NHSL2: variants seen among roughly 807,000 people sequenced by gnomAD.
NHSL2 encodes the protein NHS like 2.
In NHSL2, 27 loss-of-function variants were observed where a neutral mutation model predicts 53.4. The ratio of observed to expected loss-of-function variants is 0.51; its 90% confidence interval spans 0.37 to 0.70. The LOEUF (loss-of-function observed/expected upper bound fraction) is 0.70, where lower values mean the gene tolerates loss of function less well. Ranked by LOEUF, NHSL2 falls within the 30% of genes least tolerant of loss-of-function variation. NHSL2 has a pLI of 0.00. For synonymous variants in NHSL2, 408 were observed against 404.1 expected, an observed-to-expected ratio of 1.01 and a Z score of -0.12; for missense variants, 892 against 980.1, an observed-to-expected ratio of 0.91 and a Z score of 1.20.
intron 1 of NHSL2, among the ~76,000 whole-genome samples, chrX:72,046,707 A>G (rs948148527): frequency 9.2e-6 from 1 of 109,282 alleles, no homozygotes; most frequent in African/African-American, 3.4e-5. Flanking sequence ...CGGACACTGC[A>G]GAGAAAGGTT....
In NHSL2 at chrX:72,143,244, CT is replaced by C. The variant is rs2147532705; in HGVS notation, c.3357-7del. On this transcript the variant is annotated splice_region_variant and splice_polypyrimidine_tract_variant and intron_variant, in intron 7 of 7. Transcript: ENST00000633930. ...TTAACTCACTCAGACCAAACTTTCT[CT>C]TATCTAGGTCCAAAAGGAAGCTGCT... 8.8e-7 allele frequency: 1 copy of C among 1,138,097 alleles called. No individual in the cohort carries two copies. The highest frequency in any genetic ancestry group is 2.0e-5 in the South Asian group (1 of 49,069). The allele number at this position is 1,138,097 out of a possible 1,213,427, so 93.8% of individuals were successfully genotyped here.
intron 1 of NHSL2, among the ~76,000 whole-genome samples, chrX:71,933,253 T>G (rs762741437): frequency 1.5e-4 from 17 of 112,085 alleles, no homozygotes; most frequent in Middle Eastern, 4.6e-3. Context: ...AAGCCTTCCT[T>G]TTTCTCTACT....
Position 71,969,285 on chromosome X carries a change from G to A in NHSL2, c.280+57918G>A, listed in dbSNP as rs190252664. On this transcript the variant is annotated intron_variant, in intron 1 of 7. Coordinates refer to ENST00000633930, the MANE Select transcript of NHSL2 (RefSeq NM_001013627.3). The stretch of plus-strand genomic sequence containing the variant: ...CTCCTTTTTTTTTATGCTTTTGTAA[G>A]TTGAACGGTTTTCTTTTTTTCTTTT... 4.2e-3 allele frequency among the ~76,000 whole-genome samples: 418 copies of A among 99,329 alleles called. 1 individual carries two copies. The highest frequency in any genetic ancestry group is 0.021 in the Middle Eastern group (4 of 194). The allele number at this position is 99,329 out of a possible 115,157, so 86.3% of individuals were successfully genotyped here. A position where few individuals can be genotyped will look rare whatever the true frequency, so the allele number is the denominator to read the frequency against.
chrX:71,916,080 G>A (rs2041626804), intron 1 of NHSL2, among the ~76,000 whole-genome samples: 1 of 111,544 alleles, frequency 9.0e-6, no homozygotes, highest in Non-Finnish European at 1.9e-5. Context: ...GGTGGGAAGG[G>A]GTGGCTGGCC....
At chrX:71,956,380 T>C (rs899973326) in intron 1 of NHSL2, among the ~76,000 whole-genome samples, 7 of 111,514 alleles carry the variant, frequency 6.3e-5, no homozygotes, top group African/African-American at 2.3e-4. Flanking sequence ...GGGTTATTCT[T>C]ATGTTAGAAA....
At chrX:71,951,574 G>A (rs943321497) in intron 1 of NHSL2, among the ~76,000 whole-genome samples, 1 of 112,037 alleles carries the variant, frequency 8.9e-6, no homozygotes, top group Non-Finnish European at 1.9e-5. Context: ...GGTGCAAGGT[G>A]GTATCTTGTG....
intron 2 of NHSL2, among the ~76,000 whole-genome samples, chrX:72,132,877 A>G (rs1271869727): frequency 8.9e-6 from 1 of 112,092 alleles, no homozygotes; most frequent in African/African-American, 3.2e-5. Context: ...GAGCATGAAA[A>G]GAGGTCTTGT....
intron 1 of NHSL2, among the ~76,000 whole-genome samples, chrX:71,945,716 G>A (rs1283514950): frequency 8.9e-6 from 1 of 111,781 alleles, no homozygotes; most frequent in Non-Finnish European, 1.9e-5. Flanking sequence ...AGGGAAGCAG[G>A]ATGGGTGTGT....
chrX:71,963,603 A>T (rs2041878246), intron 1 of NHSL2, among the ~76,000 whole-genome samples: 1 of 110,221 alleles, frequency 9.1e-6, no homozygotes. Context: ...ATGGAAAAAG[A>T]TATGTCATGC....
chrX:72,093,712 AGCTT>A (rs747248899), intron 1 of NHSL2, among the ~76,000 whole-genome samples: 1,378 of 71,519 alleles, frequency 0.019, 24 homozygotes, highest in African/African-American at 0.052. Context: ...CCCCTAGTAT[AGCTT>A]GCTTGCTTTC....
intron 1 of NHSL2, among the ~76,000 whole-genome samples, chrX:71,929,646 T>A (rs5991854): frequency 1.8e-5 from 2 of 110,779 alleles, no homozygotes; most frequent in African/African-American, 3.3e-5. Context: ...TTGAAGGAGG[T>A]GCTTGAGTGC....
At chrX:72,085,611 A>T (rs941207418) in intron 1 of NHSL2, among the ~76,000 whole-genome samples, 1 of 111,915 alleles carries the variant, frequency 8.9e-6, no homozygotes, top group Non-Finnish European at 1.9e-5. Flanking sequence ...TATTCAAAAA[A>T]GCAAAACTTT....
chrX:71,974,600 C>T (rs1235017691), intron 1 of NHSL2, among the ~76,000 whole-genome samples: 1 of 112,008 alleles, frequency 8.9e-6, no homozygotes, highest in African/African-American at 3.2e-5. Flanking sequence ...TAGAGAAAAA[C>T]TATCATCAGT....
chrX:71,931,676 A>G (rs1423589627), intron 1 of NHSL2, among the ~76,000 whole-genome samples: 1 of 112,479 alleles, frequency 8.9e-6, no homozygotes, highest in African/African-American at 3.2e-5. Flanking sequence ...AATTGACTGT[A>G]GGTGAATGGG....
chrX:71,972,770 G>GA (rs2041930980), intron 1 of NHSL2, among the ~76,000 whole-genome samples: 2 of 111,184 alleles, frequency 1.8e-5, no homozygotes, highest in East Asian at 5.6e-4. Context: ...ATATGTTGGT[G>GA]CACTTAATGC....
chrX:71,927,603 C>T (rs1040867982), intron 1 of NHSL2, among the ~76,000 whole-genome samples: 1 of 109,788 alleles, frequency 9.1e-6, no homozygotes, highest in African/African-American at 3.3e-5. Flanking sequence ...GTGACCCAGA[C>T]AGGAGGGCAG....
intron 1 of NHSL2, among the ~76,000 whole-genome samples, chrX:72,026,153 C>T (rs982561164): frequency 8.9e-6 from 1 of 112,020 alleles, no homozygotes. Context: ...TGCCCGATTC[C>T]CTGATGTATA....
chrX:71,934,283 G>A (rs1445643537), intron 1 of NHSL2, among the ~76,000 whole-genome samples: 8 of 112,075 alleles, frequency 7.1e-5, no homozygotes, highest in African/African-American at 2.6e-4. Context: ...ACTTCACTCA[G>A]CCAGCTCCCT....
chrX:71,992,623 T>C lies in NHSL2; in HGVS notation c.280+81256T>C, dbSNP rs780062709. Among the ~76,000 whole-genome samples the C allele has an allele frequency of 2.7e-5, 3 of 112,706 alleles. No homozygotes were observed. In the South Asian group the frequency reaches 1.1e-3, roughly 41 times the overall value. Reference sequence around the variant, plus strand: ...CTTTATGGAACACATTTCAAAGCCCTGGAGAAGCAATTTTAGGGTTTTTTG... The same window carrying C: ...CTTTATGGAACACATTTCAAAGCCCCGGAGAAGCAATTTTAGGGTTTTTTG... On this transcript the variant is annotated intron_variant, in intron 1 of 7. Coordinates refer to ENST00000633930, the MANE Select transcript of NHSL2 (RefSeq NM_001013627.3).
Sources: allele counts gnomAD v4.1 joint callset (sites outside exome capture counted in the v4.1 genomes callset), GRCh38; gene constraint gnomAD v4.1.1; transcripts MANE v1.5; gene names NCBI Gene and HGNC (gene_info 2026-07-23, HGNC 2026-07-21).